RBFOX1: variants seen among roughly 807,000 people sequenced by gnomAD.
RBFOX1 encodes the protein RNA binding fox-1 homolog 1.
RBFOX1 carries 8 observed loss-of-function variants against 57.7 expected under a neutral mutation model. The observed-to-expected ratio is 0.14, with a 90% CI of 0.08 to 0.25. RBFOX1 has a LOEUF of 0.25. Ranked by LOEUF, RBFOX1 falls within the 10% of genes least tolerant of loss-of-function variation. The pLI, the probability that RBFOX1 is intolerant of heterozygous loss-of-function variation, is 1.00. For missense variants in RBFOX1, 611 were observed against 548.5 expected, an observed-to-expected ratio of 1.11 and a Z score of -1.14; for synonymous variants, 326 against 222.4, an observed-to-expected ratio of 1.47 and a Z score of -4.15.
intron 3 of RBFOX1, among the ~76,000 whole-genome samples, chr16:6,722,247 C>G: frequency 6.6e-6 from 1 of 152,284 alleles, no homozygotes; most frequent in Middle Eastern, 3.4e-3. Flanking sequence ...GAGGCTAAAC[C>G]GTTTTGCATT....
chr16:6,416,892 T>G (rs1057307006), intron 2 of RBFOX1, among the ~76,000 whole-genome samples: 1 of 152,248 alleles, frequency 6.6e-6, no homozygotes, highest in African/African-American at 2.4e-5. Context: ...GGATTCCCAA[T>G]AAGTGTGTTT....
intron 4 of RBFOX1, among the ~76,000 whole-genome samples, chr16:7,418,461 C>T (rs566403101): frequency 5.3e-5 from 8 of 152,196 alleles, no homozygotes; most frequent in Non-Finnish European, 5.9e-5. Context: ...GTGAGCCAGG[C>T]ATCTGAGATG....
chr16:5,918,686 C>T (rs2058758354), intron 4 of RBFOX1, among the ~76,000 whole-genome samples: 1 of 152,180 alleles, frequency 6.6e-6, no homozygotes, highest in South Asian at 2.1e-4. Flanking sequence ...ATTCAGTTAA[C>T]CAAGATGTTA....
At chr16:7,616,428 G>T (rs2058456063) in intron 10 of RBFOX1, among the ~76,000 whole-genome samples, 2 of 152,232 alleles carry the variant, frequency 1.3e-5, no homozygotes, top group African/African-American at 2.4e-5. Flanking sequence ...AGCTGCACCT[G>T]CATGACTGAC....
chr16:7,552,421 T>C (rs1046635017), intron 5 of RBFOX1, among the ~76,000 whole-genome samples: 2 of 152,192 alleles, frequency 1.3e-5, no homozygotes, highest in African/African-American at 4.8e-5. Flanking sequence ...AGACCTTTTC[T>C]GGAAGCCTTT....
rs374078188 is a variant in RBFOX1 at position 5,330,830 on chromosome 16, C to G, written c.219+90725C>G. Among the ~76,000 whole-genome samples, 6 of 152,044 alleles carry G rather than the reference C, an allele frequency of 3.9e-5. No individual in the cohort carries two copies. In the East Asian group the frequency reaches 7.7e-4, roughly 20 times the overall value. On this transcript the variant is annotated intron_variant, in intron 1 of 2. Transcript: ENST00000585867. ...AGAGGAAAAGTCCCCAAAGCAAACTCTGCAAGGTGGAGGCTGCTAAAAATT... is the reference window on the plus strand; with the variant it reads ...AGAGGAAAAGTCCCCAAAGCAAACTGTGCAAGGTGGAGGCTGCTAAAAATT...
chr16:5,920,635 A>G (rs942727889), intron 4 of RBFOX1, among the ~76,000 whole-genome samples: 1 of 152,156 alleles, frequency 6.6e-6, no homozygotes, highest in Non-Finnish European at 1.5e-5. Context: ...AGGGACGGCC[A>G]AAAGACCTTG....
At chr16:6,733,018 T>C (rs2069073254) in intron 3 of RBFOX1, among the ~76,000 whole-genome samples, 1 of 152,204 alleles carries the variant, frequency 6.6e-6, no homozygotes, top group Admixed American at 6.5e-5. Context: ...AAAGGTTAGG[T>C]ACATAGTCTT....
chr16:5,740,288 C>G (rs2052727925), intron 3 of RBFOX1, among the ~76,000 whole-genome samples: 1 of 152,154 alleles, frequency 6.6e-6, no homozygotes, highest in South Asian at 2.1e-4. Context: ...CATCCAGTCA[C>G]CAAACACTGT....
In RBFOX1 at chr16:7,349,594, C is replaced by T. The variant is rs140668589; in HGVS notation, c.28-168553C>T. The stretch of plus-strand genomic sequence containing the variant: ...TCCCTTTCCGTTTTGATAGCTGACC[C>T]TCAGAATCAAAATGAGGATGGCGAC... On this transcript the variant is annotated intron_variant, in intron 4 of 15. Transcript: ENST00000550418. 6.3e-3 allele frequency among the ~76,000 whole-genome samples: 956 copies of T among 152,140 alleles called. 11 individuals are homozygous for T. Among genetic ancestry groups the T allele is most frequent in the African/African-American group, 0.022 (898 of 41,488 alleles).
At chr16:7,020,175 C>G (rs999390063) in intron 3 of RBFOX1, among the ~76,000 whole-genome samples, 13 of 152,068 alleles carry the variant, frequency 8.5e-5, no homozygotes, top group Non-Finnish European at 1.9e-4. Context: ...CTTTATACCT[C>G]TGTGTAAATC....
intron 3 of RBFOX1, among the ~76,000 whole-genome samples, chr16:6,999,838 G>T (rs1318411995): frequency 5.3e-5 from 8 of 152,268 alleles, no homozygotes; most frequent in African/African-American, 1.4e-4. Flanking sequence ...TTGGGAGGCT[G>T]AGGTGAGCGG....
chr16:7,419,616 C>T (rs1480763856), intron 4 of RBFOX1, among the ~76,000 whole-genome samples: 6 of 152,216 alleles, frequency 3.9e-5, no homozygotes, highest in Non-Finnish European at 7.3e-5. Context: ...GGCCCCCTGC[C>T]CTTTCCCCTC....
intron 3 of RBFOX1, among the ~76,000 whole-genome samples, chr16:5,840,460 G>A (rs2056591670): frequency 6.6e-6 from 1 of 151,826 alleles, no homozygotes; most frequent in Non-Finnish European, 1.5e-5. Context: ...GTCATTTTGT[G>A]CTGATAGGCC....
At chr16:7,580,031 G>A (rs1220232383) in intron 6 of RBFOX1, 111 bp downstream of exon 6, 1 of 1,211,874 alleles carries the variant, frequency 8.3e-7, no homozygotes, top group Non-Finnish European at 1.2e-6. Flanking sequence ...TTTGTATGGG[G>A]AGAAACAATT....
intron 3 of RBFOX1, among the ~76,000 whole-genome samples, chr16:5,764,058 G>A (rs142003252): frequency 7.9e-5 from 12 of 152,246 alleles, no homozygotes; most frequent in East Asian, 3.9e-4. Flanking sequence ...CACACACACC[G>A]TAGGTGTCTA....
intron 3 of RBFOX1, among the ~76,000 whole-genome samples, chr16:5,840,723 C>A (rs569281352): frequency 1.3e-5 from 2 of 152,144 alleles, no homozygotes; most frequent in Admixed American, 6.5e-5. Flanking sequence ...GCAGAAGGAG[C>A]CTTCTCACAG....
intron 3 of RBFOX1, among the ~76,000 whole-genome samples, chr16:5,861,511 T>C (rs2057212456): frequency 6.6e-6 from 1 of 152,204 alleles, no homozygotes; most frequent in Non-Finnish European, 1.5e-5. Flanking sequence ...GTTATTCAAT[T>C]TGCTCTCCCA....
chr16:5,973,542 A>G (rs79365521), intron 4 of RBFOX1, among the ~76,000 whole-genome samples: 8 of 152,104 alleles, frequency 5.3e-5, no homozygotes, highest in African/African-American at 1.9e-4. Context: ...ACCAGTCTCG[A>G]TTTATTACTT....
Sources: allele counts gnomAD v4.1 joint callset (sites outside exome capture counted in the v4.1 genomes callset), GRCh38; gene constraint gnomAD v4.1.1; transcripts MANE v1.5; gene names NCBI Gene and HGNC (gene_info 2026-07-23, HGNC 2026-07-21).